The following NAALADL2 variants were observed in gnomAD, a reference collection of about 807,000 sequenced individuals.
NAALADL2 encodes the protein N-acetylated alpha-linked acidic dipeptidase like 2.
A neutral mutation model predicts 87.2 loss-of-function variants in NAALADL2; 76 were observed. The observed-to-expected ratio is 0.87, with a 90% CI of 0.72 to 1.05. NAALADL2 has a LOEUF of 1.05. Ranked by LOEUF, NAALADL2 falls within the 50% of genes least tolerant of loss-of-function variation. NAALADL2 has a pLI of 0.00. For synonymous variants in NAALADL2, 354 were observed against 331.0 expected, an observed-to-expected ratio of 1.07 and a Z score of -0.75; for missense variants, 1,089 against 945.8, an observed-to-expected ratio of 1.15 and a Z score of -1.99.
intron 1 of NAALADL2, among the ~76,000 whole-genome samples, chr3:175,009,322 T>G (rs546382032): frequency 1.3e-5 from 2 of 152,316 alleles, no homozygotes; most frequent in South Asian, 4.1e-4. Context: ...TAGTACTTAA[T>G]TATTGTGAGA....
chr3:175,703,988 G>A (rs1222833082), intron 11 of NAALADL2, among the ~76,000 whole-genome samples: 3 of 152,074 alleles, frequency 2.0e-5, no homozygotes, highest in East Asian at 3.9e-4. Context: ...TGATCCTGTT[G>A]TAACTGAAAA....
intron 5 of NAALADL2, among the ~76,000 whole-genome samples, chr3:175,429,019 T>C (rs531920630): frequency 2.0e-5 from 3 of 152,082 alleles, no homozygotes; most frequent in East Asian, 1.9e-4. Flanking sequence ...ATGAATGATA[T>C]TGGTTTTTTC....
At chr3:175,588,288 G>T (rs947688049) in intron 10 of NAALADL2, among the ~76,000 whole-genome samples, 1 of 152,020 alleles carries the variant, frequency 6.6e-6, no homozygotes, top group Non-Finnish European at 1.5e-5. Context: ...ATTGGGTTTT[G>T]GTCTAAACTG....
At chr3:175,524,718 A>AAG (rs1733145168) in intron 9 of NAALADL2, among the ~76,000 whole-genome samples, 1 of 152,186 alleles carries the variant, frequency 6.6e-6, no homozygotes, top group African/African-American at 2.4e-5. Context: ...TTATTGTGCT[A>AAG]GCAGACACTG....
intron 3 of NAALADL2, among the ~76,000 whole-genome samples, chr3:175,249,407 C>A (rs1375381507): frequency 6.6e-6 from 1 of 151,976 alleles, no homozygotes; most frequent in Non-Finnish European, 1.5e-5. Context: ...ATTTATTAAA[C>A]AATTTGACAC....
At chr3:175,771,384 C>T (rs769156662) in intron 13 of NAALADL2, among the ~76,000 whole-genome samples, 1 of 152,120 alleles carries the variant, frequency 6.6e-6, no homozygotes. Context: ...ATTTTAGTAT[C>T]TATTATGTAA....
chr3:175,748,735 C>T (rs968594039), intron 12 of NAALADL2, among the ~76,000 whole-genome samples: 3 of 151,916 alleles, frequency 2.0e-5, no homozygotes, highest in East Asian at 3.9e-4. Flanking sequence ...TTGAAGTAAA[C>T]TAAAATTTAA....
intron 3 of NAALADL2, among the ~76,000 whole-genome samples, chr3:174,808,602 C>T (rs1719782736): frequency 1.3e-5 from 2 of 152,148 alleles, no homozygotes; most frequent in South Asian, 4.1e-4. Context: ...GCTGAGATTC[C>T]CATCTTTCCA....
At chr3:175,305,095 A>T (rs922973594) in intron 4 of NAALADL2, among the ~76,000 whole-genome samples, 3 of 152,160 alleles carry the variant, frequency 2.0e-5, no homozygotes, top group Middle Eastern at 3.4e-3. Flanking sequence ...AATTTTGTTC[A>T]TTATTTTATT....
At chr3:174,932,931 A>G (rs1330695672) in intron 1 of NAALADL2, among the ~76,000 whole-genome samples, 1 of 152,158 alleles carries the variant, frequency 6.6e-6, no homozygotes, top group Non-Finnish European at 1.5e-5. Flanking sequence ...CAGCCTGACC[A>G]ACATGGAGAA....
chr3:175,802,463 C>T (rs1186797517), intron 13 of NAALADL2, among the ~76,000 whole-genome samples: 1 of 151,176 alleles, frequency 6.6e-6, no homozygotes, highest in Admixed American at 6.6e-5. Flanking sequence ...TCCTACAATA[C>T]ACAAGGCAGC....
chr3:174,898,284 G>A (rs1731862122), intron 1 of NAALADL2, among the ~76,000 whole-genome samples: 1 of 151,582 alleles, frequency 6.6e-6, no homozygotes, highest in Non-Finnish European at 1.5e-5. Context: ...CATAATAATT[G>A]TACTCATGAT....
intron 9 of NAALADL2, among the ~76,000 whole-genome samples, chr3:175,478,095 A>G (rs1170412671): frequency 6.6e-6 from 1 of 151,996 alleles, no homozygotes; most frequent in Non-Finnish European, 1.5e-5. Context: ...TTCATGACAC[A>G]TGACATAGAT....
At chr3:175,617,232 G>C (rs888792546) in intron 10 of NAALADL2, among the ~76,000 whole-genome samples, 1 of 152,126 alleles carries the variant, frequency 6.6e-6, no homozygotes, top group South Asian at 2.1e-4. Flanking sequence ...GAACAGAAAT[G>C]GTTACTCTGG....
intron 2 of NAALADL2, chr3:174,691,854 A>G (rs184228357): frequency 8.5e-5 from 13 of 152,348 alleles, no homozygotes; most frequent in African/African-American, 2.9e-4. Context: ...TTCTTTGCTC[A>G]TTCATAAGAT....
intron 4 of NAALADL2, among the ~76,000 whole-genome samples, chr3:175,281,664 G>A (rs896246805): frequency 8.6e-5 from 13 of 151,828 alleles, no homozygotes; most frequent in Non-Finnish European, 1.5e-4. Context: ...TAATGTATGC[G>A]ATTAAATTTT....
chr3:175,440,635 G>T (rs531257935), intron 5 of NAALADL2, among the ~76,000 whole-genome samples: 1 of 151,830 alleles, frequency 6.6e-6, no homozygotes, highest in Non-Finnish European at 1.5e-5. Flanking sequence ...TATTTAATTT[G>T]TTTCGCAGCT....
chr3:175,511,382 C>A (rs1045657417), intron 9 of NAALADL2, among the ~76,000 whole-genome samples: 1 of 152,178 alleles, frequency 6.6e-6, no homozygotes, highest in Non-Finnish European at 1.5e-5. Flanking sequence ...CTAATTCAAT[C>A]TGACTGATGT....
intron 13 of NAALADL2, among the ~76,000 whole-genome samples, chr3:175,788,088 G>GTTT (rs1004422588): frequency 6.7e-4 from 70 of 104,220 alleles, no homozygotes; most frequent in South Asian, 1.0e-3. Flanking sequence ...TTTTTTACCT[G>GTTT]TTTTTTTTTT....
Sources: allele counts gnomAD v4.1 joint callset (sites outside exome capture counted in the v4.1 genomes callset), GRCh38; gene constraint gnomAD v4.1.1; transcripts MANE v1.5; gene names NCBI Gene and HGNC (gene_info 2026-07-23, HGNC 2026-07-21).